Variants in IMMP2L observed in about 807,000 individuals in gnomAD.
IMMP2L encodes mitochondrial inner membrane protease subunit 2.
IMMP2L carries 18 observed loss-of-function variants against 19.3 expected under a neutral mutation model. That is an observed-to-expected ratio of 0.93 (90% CI 0.64 to 1.38). The LOEUF is 1.38. Ranked by LOEUF, IMMP2L falls within the 40% of genes most tolerant of loss-of-function variation. IMMP2L has a pLI of 0.00. For synonymous variants in IMMP2L, 76 were observed against 73.0 expected (o/e 1.04, Z -0.21); for missense variants, 233 against 218.2 (o/e 1.07, Z -0.43).
rs1032992461 is a variant in IMMP2L, at chr7:111,106,794, CA to C, written c.240-143230del. Among the ~76,000 whole-genome samples the C allele has an allele frequency of 6.6e-4, 98 of 148,592 alleles. 1 individual carries two copies. Among genetic ancestry groups the C allele is most frequent in the African/African-American group, 2.2e-3 (89 of 40,468 alleles). ...CTTCTGCTGTACCATTTAATCATAC[CA>C]AAAAAAATGGAATCAACACACAAAT... is the stretch of plus-strand genomic sequence containing the variant. On this transcript the variant is annotated intron_variant, in intron 3 of 5. Transcript: ENST00000405709.
At chr7:111,216,754 C>T (rs545173451) in intron 3 of IMMP2L, among the ~76,000 whole-genome samples, 83 of 152,104 alleles carry the variant, frequency 5.5e-4, no homozygotes, top group African/African-American at 1.9e-3. Flanking sequence ...TCATATGAGG[C>T]ACTAACAAAT....
intron 3 of IMMP2L, among the ~76,000 whole-genome samples, chr7:111,075,807 T>A (rs1795355241): frequency 6.6e-6 from 1 of 152,242 alleles, no homozygotes. Flanking sequence ...CGATCTCTCC[T>A]CTGAGCTCCA....
Position 111,503,587 on chromosome 7 carries a change from C to A in IMMP2L, c.136-16246G>T, listed in dbSNP as rs1007537549. On this transcript the variant is annotated intron_variant, in intron 2 of 5. Coordinates refer to ENST00000405709, the MANE Select transcript of IMMP2L (RefSeq NM_032549.4). ...AAATCCTCAATAAAATACTGGCAAA[C>A]CAAATCCAGCAGCACATCAAAAAGC... 2.1e-3 allele frequency among the ~76,000 whole-genome samples: 316 copies of A among 152,152 alleles called. 3 individuals are homozygous for A. The highest frequency in any genetic ancestry group is 7.2e-3 in the African/African-American group (299 of 41,516).
intron 5 of IMMP2L, among the ~76,000 whole-genome samples, chr7:110,733,456 G>GT (rs758543576): frequency 0.083 from 11,464 of 138,854 alleles, 519 homozygotes; most frequent in African/African-American, 0.13. Flanking sequence ...GCCAAGGAGT[G>GT]TTTTTTTTTT....
chr7:111,362,701 A>C (rs568647986), intron 3 of IMMP2L, among the ~76,000 whole-genome samples: 2 of 152,224 alleles, frequency 1.3e-5, no homozygotes, highest in East Asian at 3.9e-4. Flanking sequence ...AGGATTTTTT[A>C]CCTTGAGTTT....
intron 3 of IMMP2L, among the ~76,000 whole-genome samples, chr7:111,325,783 C>A (rs889816372): frequency 6.6e-6 from 1 of 151,658 alleles, no homozygotes; most frequent in African/African-American, 2.4e-5. Context: ...ATTCCCTTGA[C>A]CCCTTTTCCA....
intron 3 of IMMP2L, among the ~76,000 whole-genome samples, chr7:111,368,834 T>G (rs536371895): frequency 2.0e-4 from 30 of 152,124 alleles, no homozygotes; most frequent in African/African-American, 7.0e-4. Flanking sequence ...GAAAAAGTAC[T>G]GGCCAAAGTA....
intron 4 of IMMP2L, among the ~76,000 whole-genome samples, chr7:110,922,659 A>G (rs1352223221): frequency 6.6e-6 from 1 of 152,142 alleles, no homozygotes; most frequent in Admixed American, 6.6e-5. Context: ...AGGCTCAAGG[A>G]ACCACAGAGA....
chr7:111,432,431 G>T (rs1486540820), intron 3 of IMMP2L, among the ~76,000 whole-genome samples: 15 of 151,810 alleles, frequency 9.9e-5, no homozygotes, highest in African/African-American at 3.4e-4. Flanking sequence ...TAATAAATGT[G>T]ATACATTGCA....
intron 4 of IMMP2L, among the ~76,000 whole-genome samples, chr7:110,948,090 T>A (rs564167474): frequency 1.8e-4 from 28 of 152,296 alleles, no homozygotes; most frequent in Non-Finnish European, 2.9e-4. Flanking sequence ...ACCAGGAGGA[T>A]GATCAATTTC....
intron 3 of IMMP2L, among the ~76,000 whole-genome samples, chr7:111,164,107 G>A: frequency 7.1e-6 from 1 of 140,162 alleles, no homozygotes; most frequent in Non-Finnish European, 1.6e-5. Flanking sequence ...GAGGGGGAGG[G>A]AGAAGGGGAG....
intron 4 of IMMP2L, among the ~76,000 whole-genome samples, chr7:110,894,245 G>A (rs757524559): frequency 1.8e-4 from 27 of 152,132 alleles, no homozygotes; most frequent in African/African-American, 2.4e-4. Flanking sequence ...GCTACCTCAG[G>A]AGTAAAGTTA....
chr7:110,918,779 T>A (rs910521095), intron 4 of IMMP2L, among the ~76,000 whole-genome samples: 64 of 152,250 alleles, frequency 4.2e-4, no homozygotes, highest in African/African-American at 1.5e-3. Flanking sequence ...CATTGTTATA[T>A]TACTCTTCCT....
chr7:111,516,156 T>C (rs951183826), intron 2 of IMMP2L, among the ~76,000 whole-genome samples: 2 of 152,122 alleles, frequency 1.3e-5, no homozygotes, highest in Admixed American at 1.3e-4. Flanking sequence ...TAAAGCTCTA[T>C]ACTACTATGA....
chr7:110,926,980 C>G (rs1012172528), intron 4 of IMMP2L, among the ~76,000 whole-genome samples: 1 of 152,110 alleles, frequency 6.6e-6, no homozygotes, highest in Non-Finnish European at 1.5e-5. Context: ...ATTCCTTGCC[C>G]TTGAATTTGG....
At chr7:111,328,005 C>G (rs1362692134) in intron 3 of IMMP2L, among the ~76,000 whole-genome samples, 1 of 151,554 alleles carries the variant, frequency 6.6e-6, no homozygotes, top group African/African-American at 2.4e-5. Context: ...AGCAGCATAA[C>G]CACCCACATT....
At chr7:111,551,218 TA>T (rs1451971690) in intron 1 of IMMP2L, among the ~76,000 whole-genome samples, 1 of 152,184 alleles carries the variant, frequency 6.6e-6, no homozygotes, top group Non-Finnish European at 1.5e-5. Context: ...AGGAAAGATA[TA>T]TAAAAGTGTG....
At chr7:111,259,297 C>T (rs529408235) in intron 3 of IMMP2L, among the ~76,000 whole-genome samples, 1 of 151,980 alleles carries the variant, frequency 6.6e-6, no homozygotes, top group African/African-American at 2.4e-5. Flanking sequence ...TTTATAAACA[C>T]TGTACATTTA....
At chr7:111,337,125 C>CTATATA (rs1217858323) in intron 3 of IMMP2L, among the ~76,000 whole-genome samples, 2 of 151,838 alleles carry the variant, frequency 1.3e-5, no homozygotes, top group Non-Finnish European at 2.9e-5. Context: ...AGTAAGATTT[C>CTATATA]TATATTAAGA....
Sources: gnomAD v4.1 joint callset for allele counts (sites outside exome capture counted in the v4.1 genomes callset) on GRCh38, gnomAD v4.1.1 for gene constraint, MANE v1.5 for transcripts, NCBI Gene and HGNC (gene_info 2026-07-23, HGNC 2026-07-21) for gene names.